Variants in TRAF3IP1 observed in about 807,000 individuals in gnomAD.
TRAF3IP1 encodes TRAF3-interacting protein 1.
A neutral mutation model predicts 89.9 loss-of-function variants in TRAF3IP1; 53 were observed. The observed-to-expected ratio is 0.59, with a 90% CI of 0.47 to 0.74. The LOEUF is 0.74. TRAF3IP1 is among the 30% of genes least tolerant of loss of function. The pLI is 0.00. For missense variants in TRAF3IP1, 806 were observed against 866.1 expected, an observed-to-expected ratio of 0.93 and a Z score of 0.87; for synonymous variants, 311 against 322.1, an observed-to-expected ratio of 0.97 and a Z score of 0.37.
chr2:238,384,364 GTA>G (rs1700671485), intron 15 of TRAF3IP1, among the ~76,000 whole-genome samples: 1 of 127,532 alleles, frequency 7.8e-6, no homozygotes, highest in Non-Finnish European at 1.7e-5. Flanking sequence ...ATGTATGTAT[GTA>G]TGTATGTATG....
intron 12 of TRAF3IP1, among the ~76,000 whole-genome samples, chr2:238,350,442 C>T (rs111915286): frequency 1.4e-3 from 210 of 152,052 alleles, no homozygotes; most frequent in African/African-American, 3.7e-3. Context: ...TCTCATGAGC[C>T]GTAAGAGGGT....
intron 15 of TRAF3IP1, among the ~76,000 whole-genome samples, chr2:238,385,108 C>T (rs913378658): frequency 2.6e-5 from 4 of 152,092 alleles, no homozygotes; most frequent in South Asian, 4.2e-4. Flanking sequence ...CTCCGCCTCC[C>T]GGGTTCATGC....
At chr2:238,383,996 T>C (rs1559392111) in intron 15 of TRAF3IP1, among the ~76,000 whole-genome samples, 1 of 152,208 alleles carries the variant, frequency 6.6e-6, no homozygotes, top group African/African-American at 2.4e-5. Context: ...TCTTTGGGGT[T>C]GACTATTTGT....
chr2:238,356,412 G>A lies in TRAF3IP1; in HGVS notation c.1689+332G>A, dbSNP rs9752965. Among the ~76,000 whole-genome samples the A allele has an allele frequency of 7.2e-5, 11 of 152,230 alleles. No homozygotes were observed. In the South Asian group the frequency reaches 1.7e-3, roughly 23 times the overall value. On this transcript the variant is annotated intron_variant, in intron 15 of 16. Transcript: ENST00000373327. ...CTTGGGGGGCTGAGGCAGGAGAATCGCTTGAACCTGGGAGGTGGAGGTTGT... is the reference window on the plus strand; with the variant it reads ...CTTGGGGGGCTGAGGCAGGAGAATCACTTGAACCTGGGAGGTGGAGGTTGT...
At chr2:238,392,303 A>G (rs1468577869) in intron 15 of TRAF3IP1, among the ~76,000 whole-genome samples, 2 of 152,200 alleles carry the variant, frequency 1.3e-5, no homozygotes, top group Admixed American at 1.3e-4. Flanking sequence ...TACATTGTCA[A>G]CCAGGATATT....
intron 15 of TRAF3IP1, 110 bp from the exon 16 acceptor site, chr2:238,397,349 C>T (rs1470092897): frequency 1.0e-5 from 9 of 890,640 alleles, no homozygotes; most frequent in Admixed American, 2.0e-5. Flanking sequence ...AGCACTGTCT[C>T]TGCCTGCGCC....
At position 238,348,827 on chromosome 2, in the gene TRAF3IP1, A is replaced by G; in HGVS notation, c.1346A>G (p.Asn449Ser). 1 of 1,614,150 alleles carries G rather than the reference A, an allele frequency of 6.2e-7. No individual in the cohort carries two copies. The highest frequency in any genetic ancestry group is 1.6e-4 in the Middle Eastern group (1 of 6,062). Residue 449 changes from asparagine (N) to serine (S), a missense_variant, in exon 11 of 17, where the codon AAT (asparagine) becomes AGT (serine). Transcript: ENST00000373327. ...SEVPETPEIPNELSSNIRRIP... is the reference protein window; with the variant it reads ...SEVPETPEIPSELSSNIRRIP... ...GTGCCAGAGACTCCAGAAATTCCTA[A>G]TGAGCTTTCATCCAACATCAGGTCT...
chr2:238,324,805 T>C (rs1697737980), intron 1 of TRAF3IP1, among the ~76,000 whole-genome samples: 1 of 152,022 alleles, frequency 6.6e-6, no homozygotes, highest in Non-Finnish European at 1.5e-5. Context: ...GGTTTCACCA[T>C]GTTGGCCAGG....
intron 15 of TRAF3IP1, among the ~76,000 whole-genome samples, chr2:238,378,296 G>A (rs2106360491): frequency 1.3e-5 from 2 of 152,184 alleles, no homozygotes; most frequent in South Asian, 4.1e-4. Flanking sequence ...ATGGAAACTT[G>A]TTTTATGACT....
At chr2:238,370,179 G>T (rs1388606921) in intron 15 of TRAF3IP1, among the ~76,000 whole-genome samples, 1 of 152,106 alleles carries the variant, frequency 6.6e-6, no homozygotes, top group Non-Finnish European at 1.5e-5. Flanking sequence ...ATATATGCGT[G>T]TGTGCATGTC....
intron 15 of TRAF3IP1, among the ~76,000 whole-genome samples, chr2:238,395,601 CA>C (rs1701176486): frequency 6.6e-6 from 1 of 151,876 alleles, no homozygotes; most frequent in Admixed American, 6.6e-5. Context: ...AGGCAACCTA[CA>C]AAATTAGAGA....
chr2:238,391,898 T>G (rs1439566757), intron 15 of TRAF3IP1, among the ~76,000 whole-genome samples: 1 of 152,252 alleles, frequency 6.6e-6, no homozygotes, highest in African/African-American at 2.4e-5. Context: ...ATTTCTTAAC[T>G]AAGTCAATGA....
At chr2:238,334,146 T>G in intron 7 of TRAF3IP1, 111 bp downstream of exon 7, 1 of 826,500 alleles carries the variant, frequency 1.2e-6, no homozygotes, top group South Asian at 1.7e-5. Flanking sequence ...AAAACAGACT[T>G]GCTGTGTCTG....
At chr2:238,354,305 G>A (rs2106328962) in intron 14 of TRAF3IP1, among the ~76,000 whole-genome samples, 1 of 152,286 alleles carries the variant, frequency 6.6e-6, no homozygotes, top group East Asian at 1.9e-4. Context: ...TTTCTCCAAG[G>A]CACCTGGCCG....
chr2:238,340,036 G>T (rs1231513348), intron 8 of TRAF3IP1, among the ~76,000 whole-genome samples: 3 of 149,334 alleles, frequency 2.0e-5, no homozygotes, highest in Non-Finnish European at 4.5e-5. Context: ...TCCTTGGGTG[G>T]CAGTGTGCGG....
intron 8 of TRAF3IP1, among the ~76,000 whole-genome samples, chr2:238,342,534 A>T (rs1453768831): frequency 1.3e-5 from 2 of 152,184 alleles, no homozygotes; most frequent in Non-Finnish European, 1.5e-5. Context: ...TACAGAATGA[A>T]GATAATGCAT....
intron 15 of TRAF3IP1, among the ~76,000 whole-genome samples, chr2:238,368,861 C>T (rs998049917): frequency 1.3e-5 from 2 of 152,020 alleles, no homozygotes; most frequent in African/African-American, 2.4e-5. Context: ...TTAGTAGAGA[C>T]AGAGTTTCAC....
intron 8 of TRAF3IP1, among the ~76,000 whole-genome samples, chr2:238,340,846 T>TATAG (rs1407758807): frequency 2.7e-5 from 4 of 150,324 alleles, no homozygotes; most frequent in African/African-American, 9.9e-5. Flanking sequence ...TATATATATA[T>TATAG]AGAGAGAGAG....
chr2:238,385,629 A>G (rs1424483465), intron 15 of TRAF3IP1, among the ~76,000 whole-genome samples: 3 of 152,192 alleles, frequency 2.0e-5, no homozygotes, highest in Admixed American at 6.5e-5. Context: ...GTGGTCCCCA[A>G]CCTTTTTGCT....
Sources: gnomAD v4.1 joint callset for allele counts (sites outside exome capture counted in the v4.1 genomes callset) on GRCh38, gnomAD v4.1.1 for gene constraint, MANE v1.5 for transcripts, NCBI Gene and HGNC (gene_info 2026-07-23, HGNC 2026-07-21) for gene names.